The following AOPEP variants were observed in gnomAD, a reference collection of about 807,000 sequenced individuals.
AOPEP encodes aminopeptidase O.
In AOPEP, 77 loss-of-function variants were observed where a neutral mutation model predicts 98.1. That is an observed-to-expected ratio of 0.78 (90% CI 0.65 to 0.95). AOPEP has a LOEUF of 0.95. AOPEP is among the 40% of genes least tolerant of loss of function. The probability of loss-of-function intolerance (pLI) is 0.00; values close to 1 mark genes in which losing one functional copy is unlikely to be tolerated. For synonymous variants in AOPEP, 346 were observed against 365.3 expected, an observed-to-expected ratio of 0.95 and a Z score of 0.60; for missense variants, 1,024 against 1,024.7, an observed-to-expected ratio of 1.00 and a Z score of 0.01.
rs71498953 is a variant in AOPEP, at chr9:94,989,609, C to CT, written c.1977+10202dup. 8.5e-3 allele frequency among the ~76,000 whole-genome samples: 1,057 copies of CT among 123,938 alleles called. 10 individuals carry two copies. The highest frequency in any genetic ancestry group is 0.011 in the Non-Finnish European group (667 of 58,604). 81.3% of individuals were successfully genotyped at this position (123,938 alleles called of 152,430 possible). The stretch of plus-strand genomic sequence containing the variant: ...TTATACCCTTCCTGAGTAACCCAAA[C>CT]TTTTTTTTTTTTTTTTTTTTGAGAC... On this transcript the variant is annotated intron_variant, in intron 11 of 16. Coordinates refer to ENST00000375315, the MANE Select transcript of AOPEP (RefSeq NM_001193329.3).
chr9:94,937,343 C>T (rs752727014), intron 7 of AOPEP, among the ~76,000 whole-genome samples: 18 of 152,240 alleles, frequency 1.2e-4, no homozygotes, highest in South Asian at 2.1e-4. Context: ...TGTCCTCAAG[C>T]GGCCTTTTCT....
chr9:94,937,547 T>G (rs1806041292), intron 7 of AOPEP, among the ~76,000 whole-genome samples: 1 of 152,246 alleles, frequency 6.6e-6, no homozygotes. Flanking sequence ...CATATACATT[T>G]GGGGGAACCC....
chr9:94,871,558 A>ATTTACTAAT (rs1215336423), intron 5 of AOPEP, among the ~76,000 whole-genome samples: 1 of 152,204 alleles, frequency 6.6e-6, no homozygotes, highest in Non-Finnish European at 1.5e-5. Flanking sequence ...CTAATGTTGG[A>ATTTACTAAT]GTGTCAGATT....
chr9:94,773,316 C>A, intron 3 of AOPEP, 148 bp downstream of exon 3: 1 of 655,672 alleles, frequency 1.5e-6, no homozygotes, highest in Non-Finnish European at 2.5e-6. Context: ...CCAGGGAAAA[C>A]AAGCAGGGGA....
At position 94,928,465 on chromosome 9, in the gene AOPEP, C is replaced by A; in HGVS notation, c.1595C>A (p.Ala532Asp). The A allele has an allele frequency of 1.3e-6, 2 of 1,550,132 alleles. No individual in the cohort carries two copies. The highest frequency in any genetic ancestry group is 1.2e-5 in the South Asian group (1 of 84,054). ...YEAREQQELR[A>D]CLRWRRLQDE... ...GCCCGGGAGCAGCAGGAGCTGAGGG[C>A]TTGTCTGCGCTGGCGTCGCCTCCAG... The change falls in exon 7 of 17, where the codon GCT (alanine) becomes GAT (aspartate). Residue 532 changes from alanine to aspartate, a missense_variant. This residue lies in a region of AOPEP where 566 missense variants were observed against 551.7 expected (regional missense o/e 1.03). Transcript: ENST00000375315.
chr9:94,845,494 G>C (rs56944863), intron 5 of AOPEP, among the ~76,000 whole-genome samples: 5 of 152,196 alleles, frequency 3.3e-5, no homozygotes, highest in Non-Finnish European at 5.9e-5. Flanking sequence ...AGATCATGCT[G>C]GGTGGATACC....
chr9:94,954,116 A>T (rs979575276), intron 7 of AOPEP, among the ~76,000 whole-genome samples: 1 of 152,154 alleles, frequency 6.6e-6, no homozygotes, highest in Non-Finnish European at 1.5e-5. Flanking sequence ...TGAGCTCAGG[A>T]GTTCGAGACC....
At chr9:94,991,796 T>C (rs1159288880) in intron 11 of AOPEP, among the ~76,000 whole-genome samples, 1 of 152,190 alleles carries the variant, frequency 6.6e-6, no homozygotes, top group African/African-American at 2.4e-5. Flanking sequence ...GGTAGCCCTA[T>C]GTATCTAGAT....
chr9:94,976,945 G>A (rs2059885660), intron 10 of AOPEP, among the ~76,000 whole-genome samples: 1 of 152,194 alleles, frequency 6.6e-6, no homozygotes, highest in South Asian at 2.1e-4. Context: ...GGAATTACAG[G>A]CGTGAGCCAC....
chr9:94,924,121 G>T lies in AOPEP; in HGVS notation c.1500G>T (p.Leu500=), dbSNP rs1378016282. ...IGARDWTEEW[L]SEGFATHLED... is the part of the protein sequence containing the mutation. The stretch of plus-strand genomic sequence containing the variant: ...CCCGAGACTGGACGGAGGAGTGGCT[G>T]AGTGAAGGCTTCGCCACTCACTTGG... The change falls in exon 6 of 17, where the codon CTG becomes CTT. Residue 500 remains leucine, a synonymous_variant. Coordinates refer to ENST00000375315, the MANE Select transcript of AOPEP (RefSeq NM_001193329.3). 20 of 1,503,948 alleles carry T rather than the reference G, an allele frequency of 1.3e-5. No homozygotes were observed. Among genetic ancestry groups the T allele is most frequent in the Non-Finnish European group, 1.8e-5 (20 of 1,123,406 alleles). The allele number at this position is 1,503,948 out of a possible 1,614,324, so 93.2% of individuals were successfully genotyped here.
At chr9:95,117,723 ATT>A in the AOPEP span, among the ~76,000 whole-genome samples, 14 of 136,780 alleles carry the variant, frequency 1.0e-4, no homozygotes, top group Non-Finnish European at 7.8e-5. Context: ...GTATTTCAGC[ATT>A]TTTTTTTTTT....
At chr9:94,863,663 G>T (rs909371665) in intron 5 of AOPEP, among the ~76,000 whole-genome samples, 9 of 152,026 alleles carry the variant, frequency 5.9e-5, no homozygotes, top group African/African-American at 1.9e-4. Context: ...TGATCCACCC[G>T]CCTCGGCCTC....
At chr9:95,107,009 C>G in the AOPEP span, 2 of 1,565,032 alleles carry the variant, frequency 1.3e-6, no homozygotes, top group African/African-American at 2.7e-5. Flanking sequence ...ACAGGTAACC[C>G]ACCTCTCGCC....
chr9:94,740,308 A>T (rs925680596), intron 1 of AOPEP, among the ~76,000 whole-genome samples: 1 of 152,086 alleles, frequency 6.6e-6, no homozygotes, highest in Non-Finnish European at 1.5e-5. Context: ...AGAGTTAGAT[A>T]AGGACGTGGT....
intron 8 of AOPEP, 102 bp downstream of exon 8, chr9:94,955,381 C>T (rs1264639459): frequency 1.4e-6 from 1 of 715,374 alleles, no homozygotes; most frequent in Non-Finnish European, 2.4e-6. Context: ...GGTGAAAATA[C>T]TGTAATGATA....
At position 94,794,280 on chromosome 9, in the gene AOPEP, A is replaced by G. The variant is rs949581880; in HGVS notation, c.1118+1362A>G. ...GTGCACAGCACATGCATCATGCTGC[A>G]CTCCCAGGATTTTATACCCGGCTCA... On this transcript the variant is annotated intron_variant, in intron 4 of 16. Coordinates refer to ENST00000375315, the MANE Select transcript of AOPEP (RefSeq NM_001193329.3). Among the ~76,000 whole-genome samples the G allele has an allele frequency of 4.6e-5, 7 of 152,086 alleles. 1 individual carries two copies. The highest frequency in any genetic ancestry group is 1.3e-4 in the Admixed American group (2 of 15,272).
chr9:94,817,465 C>A (rs1447603191), intron 5 of AOPEP, among the ~76,000 whole-genome samples: 1 of 152,214 alleles, frequency 6.6e-6, no homozygotes, highest in African/African-American at 2.4e-5. Context: ...GCTCCATGGC[C>A]ATGCCTGAGA....
the AOPEP span, among the ~76,000 whole-genome samples, chr9:95,093,263 C>T: frequency 1.3e-5 from 2 of 152,180 alleles, no homozygotes; most frequent in African/African-American, 4.8e-5. Flanking sequence ...GAGGATGGGT[C>T]TTTGGAAAGC....
At chr9:95,090,416 T>C (rs1564628508), downstream of AOPEP, among the ~76,000 whole-genome samples, 1 of 152,192 alleles carries the variant, frequency 6.6e-6, no homozygotes, top group Non-Finnish European at 1.5e-5. Flanking sequence ...TTTTAAACCA[T>C]GTCCCCTGCT....
Sources: allele counts gnomAD v4.1 joint callset (sites outside exome capture counted in the v4.1 genomes callset), GRCh38; gene constraint gnomAD v4.1.1; regional missense constraint gnomAD v4.1.1; transcripts MANE v1.5; gene names NCBI Gene and HGNC (gene_info 2026-07-23, HGNC 2026-07-21).